The following STK24 variants were observed in gnomAD, a reference collection of about 807,000 sequenced individuals.
STK24 encodes the protein serine/threonine-protein kinase 24.
Under a neutral mutation model 55.6 loss-of-function variants are expected in STK24, and 21 were observed. The observed-to-expected ratio is 0.38, with a 90% CI of 0.27 to 0.54. The LOEUF (loss-of-function observed/expected upper bound fraction) is 0.54, where lower values mean the gene tolerates loss of function less well. STK24 is among the 20% of genes least tolerant of loss of function. The pLI is 0.79. For synonymous variants in STK24, 200 were observed against 215.2 expected (o/e 0.93, Z 0.62); for missense variants, 383 against 538.4 (o/e 0.71, Z 2.86).
intron 2 of STK24, among the ~76,000 whole-genome samples, chr13:98,506,929 C>T (rs1385764765): frequency 6.6e-6 from 1 of 152,202 alleles, no homozygotes; most frequent in Non-Finnish European, 1.5e-5. Flanking sequence ...CCCGCAGGCC[C>T]GTCTTGCTAA....
At chr13:98,520,338 C>T (rs1007672326) in intron 1 of STK24, among the ~76,000 whole-genome samples, 1 of 152,146 alleles carries the variant, frequency 6.6e-6, no homozygotes, top group African/African-American at 2.4e-5. Context: ...CCAATGGCAC[C>T]CCGGTGACAA....
chr13:98,465,515 G>A (rs1384193843), intron 6 of STK24, among the ~76,000 whole-genome samples: 1 of 152,224 alleles, frequency 6.6e-6, no homozygotes, highest in Non-Finnish European at 1.5e-5. Context: ...TGCAGGACAA[G>A]CCCCACCACC....
At chr13:98,477,669 C>T (rs1894427888) in intron 3 of STK24, among the ~76,000 whole-genome samples, 1 of 148,102 alleles carries the variant, frequency 6.8e-6, no homozygotes, top group African/African-American at 2.5e-5. Flanking sequence ...AGCAAGATTC[C>T]GTCTCAAAAA....
intron 1 of STK24, among the ~76,000 whole-genome samples, chr13:98,568,692 C>G (rs570312064): frequency 1.3e-5 from 2 of 152,010 alleles, no homozygotes; most frequent in African/African-American, 4.8e-5. Flanking sequence ...CATGGTGAAA[C>G]CTCATCTCTA....
intron 2 of STK24, among the ~76,000 whole-genome samples, chr13:98,518,672 CT>C (rs1281451129): frequency 6.6e-6 from 1 of 152,158 alleles, no homozygotes; most frequent in East Asian, 1.9e-4. Context: ...TAATACTATT[CT>C]TTCCCACTTA....
rs1894197723 is a variant in STK24, at chr13:98,472,686, T to C, written c.597+2135A>G. Among the ~76,000 whole-genome samples the C allele has an allele frequency of 2.0e-5, 3 of 152,334 alleles. No homozygotes were observed. In the South Asian group the frequency reaches 6.2e-4, roughly 32 times the overall value. On this transcript the variant is annotated intron_variant, in intron 5 of 10. Coordinates refer to ENST00000539966, the MANE Select transcript of STK24 (RefSeq NM_001032296.4). ...TTTTAATAAGTTTGTAATACAACTT[T>C]TTTCCTCTGGAAAAGGTTCTGACAT...
chr13:98,448,566 T>C lies in STK24; in HGVS notation c.*4607A>G, dbSNP rs560836259. 36 of 493,004 alleles carry C rather than the reference T, an allele frequency of 7.3e-5. No homozygotes were observed. The South Asian group carries it at 7.6e-4, about 10-fold the overall frequency. The allele number at this position is 493,004 out of a possible 1,614,324, so 30.5% of individuals were successfully genotyped here. On this transcript the variant is annotated 3_prime_UTR_variant, in exon 11 of 11. Transcript: ENST00000539966. ...TTTAGCTAGTGCCAGTATTAAAACA[T>C]TGTCATTACGAGAGTGCCAAATGAC...
intron 1 of STK24, among the ~76,000 whole-genome samples, chr13:98,556,932 C>A (rs568670947): frequency 6.6e-6 from 1 of 152,174 alleles, no homozygotes; most frequent in Non-Finnish European, 1.5e-5. Context: ...GAACTCCTGT[C>A]GTCTAAGAAA....
intron 1 of STK24, among the ~76,000 whole-genome samples, chr13:98,571,999 A>G (rs934493898): frequency 3.9e-5 from 6 of 152,202 alleles, no homozygotes; most frequent in Non-Finnish European, 7.3e-5. Context: ...GGCTGTCTAC[A>G]GATGCAAGGC....
chr13:98,521,275 T>G (rs201422538), intron 1 of STK24, among the ~76,000 whole-genome samples: 2 of 101,564 alleles, frequency 2.0e-5, no homozygotes, highest in Non-Finnish European at 4.6e-5. Context: ...AGGCATTTAA[T>G]TTTTTTCCTG....
chr13:98,509,686 A>G (rs545172476), intron 2 of STK24, among the ~76,000 whole-genome samples: 4 of 152,194 alleles, frequency 2.6e-5, no homozygotes, highest in Admixed American at 6.5e-5. Flanking sequence ...GCTGGCCAAG[A>G]TAAGAACTTA....
intron 1 of STK24, among the ~76,000 whole-genome samples, chr13:98,563,716 C>T (rs1382039777): frequency 5.3e-5 from 8 of 151,992 alleles, no homozygotes; most frequent in African/African-American, 7.2e-5. Flanking sequence ...AAAAATTAGC[C>T]GGGCGTGGTG....
intron 1 of STK24, among the ~76,000 whole-genome samples, chr13:98,546,625 C>G (rs1260364996): frequency 6.6e-6 from 1 of 152,204 alleles, no homozygotes; most frequent in African/African-American, 2.4e-5. Flanking sequence ...AGCTTATCCT[C>G]CAAACATCGC....
In STK24 at chr13:98,445,964, G is replaced by C; in HGVS notation, c.*7209C>G. The C allele has an allele frequency of 1.6e-6, 1 of 614,136 alleles. No homozygotes were observed. Among genetic ancestry groups the C allele is most frequent in the East Asian group, 2.8e-5 (1 of 35,628 alleles). 38.0% of individuals were successfully genotyped at this position (614,136 alleles called of 1,614,324 possible). On this transcript the variant is annotated 3_prime_UTR_variant, in exon 11 of 11. Transcript: ENST00000539966. ...CTGCCAAGTCTCCCCACACACGGGG[G>C]AGCGGGGGTGGGGCCCACATCCTTC...
chr13:98,576,331 C>G, intron 1 of STK24: 1 of 622,502 alleles, frequency 1.6e-6, no homozygotes, highest in Non-Finnish European at 2.0e-6. Context: ...GGGGACGCGT[C>G]CTGGGGCCCT....
chr13:98,555,681 C>CTTT lies in STK24; in HGVS notation c.42+21061_42+21063dup, dbSNP rs371915680. On this transcript the variant is annotated intron_variant, in intron 1 of 10. Coordinates refer to ENST00000539966, the MANE Select transcript of STK24 (RefSeq NM_001032296.4). ...GTCCTACACATATCAGCCTCCCTGT[C>CTTT]TTTTTTTTTTTTTTTTTGAGATGGA... Among the ~76,000 whole-genome samples, 65 of 129,260 alleles carry CTTT rather than the reference C, an allele frequency of 5.0e-4. 1 individual carries two copies. Among genetic ancestry groups the CTTT allele is most frequent in the African/African-American group, 1.6e-3 (54 of 34,508 alleles). The allele number at this position is 129,260 out of a possible 152,430, so 84.8% of individuals were successfully genotyped here.
intron 2 of STK24, among the ~76,000 whole-genome samples, chr13:98,510,329 C>A (rs1895840337): frequency 6.6e-6 from 1 of 152,230 alleles, no homozygotes; most frequent in African/African-American, 2.4e-5. Flanking sequence ...AGCTGCCTTT[C>A]AGTTCCCCTT....
chr13:98,492,939 T>C (rs1244159149), intron 2 of STK24, among the ~76,000 whole-genome samples: 2 of 152,242 alleles, frequency 1.3e-5, no homozygotes, highest in African/African-American at 2.4e-5. Flanking sequence ...TCACAGACTA[T>C]TAATTTCTAA....
At chr13:98,557,402 G>A (rs1439629504) in intron 1 of STK24, among the ~76,000 whole-genome samples, 5 of 152,172 alleles carry the variant, frequency 3.3e-5, no homozygotes, top group African/African-American at 9.7e-5. Flanking sequence ...ACTTGGGTGC[G>A]TGGGTGCGTT....
Sources: gnomAD v4.1 joint callset for allele counts (sites outside exome capture counted in the v4.1 genomes callset) on GRCh38, gnomAD v4.1.1 for gene constraint, MANE v1.5 for transcripts, NCBI Gene and HGNC (gene_info 2026-07-23, HGNC 2026-07-21) for gene names.